Variants in CNTNAP2 observed in about 807,000 individuals in gnomAD.
CNTNAP2 encodes the protein contactin associated protein 2.
CNTNAP2 carries 98 observed loss-of-function variants against 155.2 expected under a neutral mutation model. That is an observed-to-expected ratio of 0.63 (90% CI 0.54 to 0.75). The LOEUF (loss-of-function observed/expected upper bound fraction) is 0.75, where lower values mean the gene tolerates loss of function less well. Among genes scored for constraint, CNTNAP2 ranks in the 30% least tolerant of loss-of-function variants. CNTNAP2 has a pLI of 0.00. For synonymous variants in CNTNAP2, 651 were observed against 631.2 expected (o/e 1.03, Z -0.47); for missense variants, 1,727 against 1,688.1 (o/e 1.02, Z -0.40).
chr7:147,532,103 G>A (rs566632766), intron 11 of CNTNAP2, among the ~76,000 whole-genome samples: 2 of 152,142 alleles, frequency 1.3e-5, no homozygotes, highest in East Asian at 1.9e-4. Flanking sequence ...CACCATGCCC[G>A]GCCAGGTTTT....
intron 8 of CNTNAP2, among the ~76,000 whole-genome samples, chr7:147,261,478 G>A (rs1301911204): frequency 1.3e-5 from 2 of 151,896 alleles, no homozygotes; most frequent in African/African-American, 4.8e-5. Context: ...TGTTCAGCCA[G>A]TGCTGGTACC....
At chr7:146,220,829 C>T (rs1011372698) in intron 1 of CNTNAP2, among the ~76,000 whole-genome samples, 1 of 152,164 alleles carries the variant, frequency 6.6e-6, no homozygotes, top group South Asian at 2.1e-4. Context: ...CATCTTCTTG[C>T]AGACCTAGAA....
rs559706031 is a variant in CNTNAP2, at chr7:147,639,453, G to A, written c.2098+147G>A. 1.0e-4 allele frequency: 82 copies of A among 791,818 alleles called. No homozygotes were observed. The African/African-American group carries it at 1.2e-3, about 11-fold the overall frequency. 49.0% of individuals were successfully genotyped at this position (791,818 alleles called of 1,614,324 possible). On this transcript the variant is annotated intron_variant, in intron 13 of 23. Coordinates refer to ENST00000361727, the MANE Select transcript of CNTNAP2 (RefSeq NM_014141.6). ...TAAATAAGTAAAATAAAATCATTGG[G>A]CTTGTTTTCTGGGGAATGAAGCTAA...
intron 9 of CNTNAP2, among the ~76,000 whole-genome samples, chr7:147,387,610 G>A (rs73158336): frequency 0.016 from 2,443 of 152,186 alleles, 35 homozygotes; most frequent in Non-Finnish European, 0.022. Context: ...GGTACTTGGT[G>A]TATATATTTA....
At chr7:147,190,902 A>G (rs900775703) in intron 8 of CNTNAP2, among the ~76,000 whole-genome samples, 1 of 152,204 alleles carries the variant, frequency 6.6e-6, no homozygotes, top group Non-Finnish European at 1.5e-5. Flanking sequence ...ATTGTGATAT[A>G]ATGCTTGGGT....
intron 1 of CNTNAP2, among the ~76,000 whole-genome samples, chr7:146,516,837 T>C (rs2129136580): frequency 6.6e-6 from 1 of 152,054 alleles, no homozygotes; most frequent in African/African-American, 2.4e-5. Flanking sequence ...TAAATGAAAT[T>C]CAAACAGTGC....
At chr7:147,483,885 C>CCCACTGCTTTCACTCTT (rs1422106190) in intron 10 of CNTNAP2, among the ~76,000 whole-genome samples, 1 of 152,174 alleles carries the variant, frequency 6.6e-6, no homozygotes, top group African/African-American at 2.4e-5. Flanking sequence ...CCCTGCACCT[C>CCCACTGCTTTCACTCTT]CCACTGCTTT....
chr7:146,521,338 G>T (rs1215120289), intron 1 of CNTNAP2, among the ~76,000 whole-genome samples: 2 of 151,918 alleles, frequency 1.3e-5, no homozygotes, highest in African/African-American at 4.8e-5. Flanking sequence ...AATTTGGTCT[G>T]CAGGATATAG....
At chr7:148,054,604 A>G (rs1186086320) in intron 15 of CNTNAP2, among the ~76,000 whole-genome samples, 1 of 151,976 alleles carries the variant, frequency 6.6e-6, no homozygotes, top group African/African-American at 2.4e-5. Context: ...CTCCCTAACT[A>G]CAACTTCGCC....
intron 21 of CNTNAP2, among the ~76,000 whole-genome samples, chr7:148,315,729 G>T (rs1375276099): frequency 1.3e-5 from 2 of 152,150 alleles, no homozygotes; most frequent in Non-Finnish European, 2.9e-5. Flanking sequence ...TACCTTTCTA[G>T]CCTAATGAGA....
intron 3 of CNTNAP2, among the ~76,000 whole-genome samples, chr7:146,901,616 C>G (rs1023502066): frequency 2.0e-5 from 3 of 151,900 alleles, no homozygotes; most frequent in African/African-American, 4.8e-5. Flanking sequence ...ATGGAATTTG[C>G]AGTAGGAAAA....
At chr7:147,006,920 G>A (rs549849385) in intron 3 of CNTNAP2, among the ~76,000 whole-genome samples, 6 of 152,174 alleles carry the variant, frequency 3.9e-5, no homozygotes, top group South Asian at 2.1e-4. Context: ...GCTGAAAGCC[G>A]AGTCAGGGTG....
At chr7:148,185,883 C>G (rs1375126910) in intron 18 of CNTNAP2, among the ~76,000 whole-genome samples, 1 of 152,206 alleles carries the variant, frequency 6.6e-6, no homozygotes, top group African/African-American at 2.4e-5. Flanking sequence ...TCCCTCTCCT[C>G]TATTAACTAA....
At chr7:146,970,384 T>C (rs973648519) in intron 3 of CNTNAP2, among the ~76,000 whole-genome samples, 49 of 151,692 alleles carry the variant, frequency 3.2e-4, no homozygotes, top group African/African-American at 1.1e-3. Flanking sequence ...AACAACCCCA[T>C]CAAAAAGTGG....
intron 21 of CNTNAP2, among the ~76,000 whole-genome samples, chr7:148,328,067 A>C (rs954245745): frequency 6.6e-6 from 1 of 152,240 alleles, no homozygotes; most frequent in Admixed American, 6.5e-5. Flanking sequence ...AGCTCTGAGG[A>C]AACCTCTAAG....
At chr7:146,795,076 A>G (rs1398166838) in intron 2 of CNTNAP2, among the ~76,000 whole-genome samples, 2 of 152,212 alleles carry the variant, frequency 1.3e-5, no homozygotes, top group African/African-American at 2.4e-5. Context: ...AAAAACGCTA[A>G]TCACAGACAT....
chr7:147,162,135 A>C (rs1441468395), intron 8 of CNTNAP2: 5 of 152,188 alleles, frequency 3.3e-5, no homozygotes, highest in Admixed American at 1.3e-4. Context: ...TCTATCTCTC[A>C]GTACTAAAGA....
intron 1 of CNTNAP2, among the ~76,000 whole-genome samples, chr7:146,253,630 A>G (rs1339310950): frequency 6.6e-6 from 1 of 152,234 alleles, no homozygotes; most frequent in South Asian, 2.1e-4. Context: ...CATTTTTAAT[A>G]TTTAACAGAG....
At chr7:147,997,083 A>G (rs1563161884) in intron 15 of CNTNAP2, among the ~76,000 whole-genome samples, 2 of 152,198 alleles carry the variant, frequency 1.3e-5, no homozygotes, top group Non-Finnish European at 2.9e-5. Flanking sequence ...CCTTCATCAG[A>G]TATCAAATCT....
Sources: gnomAD v4.1 joint callset for allele counts (sites outside exome capture counted in the v4.1 genomes callset) on GRCh38, gnomAD v4.1.1 for gene constraint, MANE v1.5 for transcripts, NCBI Gene and HGNC (gene_info 2026-07-23, HGNC 2026-07-21) for gene names.